Variants in DNAAF11 observed in about 807,000 individuals in gnomAD.
DNAAF11 encodes the protein dynein axonemal assembly factor 11.
Under a neutral mutation model 60.8 loss-of-function variants are expected in DNAAF11, and 45 were observed. The observed-to-expected ratio is 0.74, with a 90% CI of 0.58 to 0.95. DNAAF11 has a LOEUF of 0.95. Among genes scored for constraint, DNAAF11 ranks in the 40% least tolerant of loss-of-function variants. DNAAF11 has a pLI of 0.00. For missense variants in DNAAF11, 546 were observed against 546.2 expected (o/e 1.00, Z 0.00); for synonymous variants, 191 against 183.5 (o/e 1.04, Z -0.33).
intron 5 of DNAAF11, among the ~76,000 whole-genome samples, chr8:132,626,300 C>T (rs1008393075): frequency 6.6e-6 from 1 of 152,166 alleles, no homozygotes; most frequent in African/African-American, 2.4e-5. Flanking sequence ...ATCCACCCGC[C>T]TCGGCCTCCC....
intron 3 of DNAAF11, among the ~76,000 whole-genome samples, chr8:132,650,410 C>G (rs1822885824): frequency 6.6e-6 from 1 of 152,074 alleles, no homozygotes; most frequent in African/African-American, 2.4e-5. Flanking sequence ...GGAGATATAC[C>G]TAATGTAAAT....
At chr8:132,699,974 A>G in the DNAAF11 span, among the ~76,000 whole-genome samples, 7 of 151,938 alleles carry the variant, frequency 4.6e-5, no homozygotes, top group Admixed American at 3.3e-4. Flanking sequence ...TGAGCACAGG[A>G]TTTTCTCTTC....
chr8:132,622,803 A>G, intron 6 of DNAAF11, 115 bp from the exon 7 acceptor site: 1 of 715,610 alleles, frequency 1.4e-6, no homozygotes, highest in Non-Finnish European at 2.4e-6. Flanking sequence ...AATTAATTGG[A>G]CTTTTACGAA....
At chr8:132,612,743 A>G (rs940449066) in intron 8 of DNAAF11, among the ~76,000 whole-genome samples, 1 of 152,220 alleles carries the variant, frequency 6.6e-6, no homozygotes, top group Non-Finnish European at 1.5e-5. Flanking sequence ...TAAAGGCAGG[A>G]AGCAGGCGTG....
At chr8:132,651,557 G>A (rs1350944703) in intron 3 of DNAAF11, among the ~76,000 whole-genome samples, 1 of 152,154 alleles carries the variant, frequency 6.6e-6, no homozygotes, top group African/African-American at 2.4e-5. Flanking sequence ...AGCACAAAAA[G>A]ACCTGTTCAG....
the DNAAF11 span, among the ~76,000 whole-genome samples, chr8:132,681,318 CTTT>C: frequency 4.6e-5 from 6 of 129,082 alleles, no homozygotes; most frequent in Admixed American, 7.7e-5. Flanking sequence ...CCAACCATTC[CTTT>C]TTTTTTTTTT....
intron 7 of DNAAF11, among the ~76,000 whole-genome samples, chr8:132,619,908 G>A (rs1039700438): frequency 3.9e-5 from 6 of 152,186 alleles, no homozygotes; most frequent in Admixed American, 2.0e-4. Context: ...CAGCAGGAGA[G>A]AGGGGAGTAC....
intron 3 of DNAAF11, among the ~76,000 whole-genome samples, chr8:132,655,479 G>A (rs548394617): frequency 3.9e-5 from 6 of 152,098 alleles, no homozygotes; most frequent in African/African-American, 1.2e-4. Context: ...ACAAAACTAA[G>A]AACAACTGTG....
At chr8:132,576,834 T>C (rs1814798630) in intron 11 of DNAAF11, among the ~76,000 whole-genome samples, 1 of 152,174 alleles carries the variant, frequency 6.6e-6, no homozygotes, top group Non-Finnish European at 1.5e-5. Context: ...CACCCATCAC[T>C]GAGCCCCCGC....
chr8:132,644,540 C>T (rs1486279105), intron 3 of DNAAF11, among the ~76,000 whole-genome samples: 1 of 152,136 alleles, frequency 6.6e-6, no homozygotes, highest in Non-Finnish European at 1.5e-5. Flanking sequence ...GGGCCATCAC[C>T]TCACTCAGGA....
chr8:132,656,170 C>G (rs1419470256), intron 3 of DNAAF11, among the ~76,000 whole-genome samples: 1 of 152,162 alleles, frequency 6.6e-6, no homozygotes, highest in Non-Finnish European at 1.5e-5. Flanking sequence ...CCCACGCCCC[C>G]TTTCCTGGAT....
intron 5 of DNAAF11, among the ~76,000 whole-genome samples, chr8:132,630,728 TAG>T (rs1246601828): frequency 6.6e-6 from 1 of 152,128 alleles, no homozygotes; most frequent in Non-Finnish European, 1.5e-5. Flanking sequence ...GGGACTTGAA[TAG>T]AGGATACCTG....
intron 6 of DNAAF11, among the ~76,000 whole-genome samples, chr8:132,624,833 A>C (rs1037104130): frequency 6.6e-6 from 1 of 152,204 alleles, no homozygotes; most frequent in East Asian, 1.9e-4. Context: ...TCATGCTGTT[A>C]AATGTCCAAG....
intron 1 of DNAAF11, among the ~76,000 whole-genome samples, chr8:132,673,229 A>G (rs1348126411): frequency 6.6e-6 from 1 of 152,156 alleles, no homozygotes; most frequent in Non-Finnish European, 1.5e-5. Flanking sequence ...CCCAGCCCTG[A>G]TAGTTACTGT....
the DNAAF11 span, among the ~76,000 whole-genome samples, chr8:132,701,319 C>G: frequency 1.4e-4 from 21 of 152,176 alleles, no homozygotes; most frequent in Non-Finnish European, 7.4e-5. Context: ...GAGTGCCTCC[C>G]CAGAGGCACT....
Position 132,572,013 on chromosome 8 carries a change from T to C in DNAAF11, c.*293A>G, listed in dbSNP as rs1405336758. 1.9e-5 allele frequency: 5 copies of C among 266,928 alleles called. No homozygotes were observed. The highest frequency in any genetic ancestry group is 2.8e-5 in the Non-Finnish European group (4 of 143,824). 16.5% of individuals were successfully genotyped at this position (266,928 alleles called of 1,614,324 possible). ...TTTATCTATGAATTAATACTTTGCA[T>C]AAGTAGACAGTATTTATAATCAGTG... On this transcript the variant is annotated 3_prime_UTR_variant, in exon 12 of 12. Coordinates refer to ENST00000620350, the MANE Select transcript of DNAAF11 (RefSeq NM_012472.6).
chr8:132,676,962 A>T (rs758537377), upstream of DNAAF11, among the ~76,000 whole-genome samples: 9 of 152,234 alleles, frequency 5.9e-5, no homozygotes, highest in Non-Finnish European at 1.0e-4. Flanking sequence ...GTGTGAGGTG[A>T]ACAGTATTAG....
At chr8:132,645,402 G>C (rs889702400) in intron 3 of DNAAF11, among the ~76,000 whole-genome samples, 1 of 152,180 alleles carries the variant, frequency 6.6e-6, no homozygotes, top group Non-Finnish European at 1.5e-5. Context: ...CAGAAAAGCT[G>C]AAAATTCTAA....
At position 132,644,694 on chromosome 8, in the gene DNAAF11, A is replaced by C. The variant is rs575962120; in HGVS notation, c.257-6587T>G. On this transcript the variant is annotated intron_variant, in intron 3 of 11. Transcript: ENST00000620350. ...CACACCAGGAGATTATATCCCATGCATGACTTGGAGGGTCCCACGCCCATG... is the reference window on the plus strand; with the variant it reads ...CACACCAGGAGATTATATCCCATGCCTGACTTGGAGGGTCCCACGCCCATG... Among the ~76,000 whole-genome samples, 359 of 152,332 alleles carry C rather than the reference A, an allele frequency of 2.4e-3. 1 individual carries two copies. The highest frequency in any genetic ancestry group is 7.2e-3 in the African/African-American group (301 of 41,578).
Sources: gnomAD v4.1 joint callset for allele counts (sites outside exome capture counted in the v4.1 genomes callset) on GRCh38, gnomAD v4.1.1 for gene constraint, MANE v1.5 for transcripts, NCBI Gene and HGNC (gene_info 2026-07-23, HGNC 2026-07-21) for gene names.